The following NUP214 variants were observed in gnomAD, a reference collection of about 807,000 sequenced individuals.
NUP214 encodes the protein nuclear pore complex protein Nup214.
In NUP214, 79 loss-of-function variants were observed where a neutral mutation model predicts 196.2. The observed-to-expected ratio is 0.40, with a 90% confidence interval of 0.34 to 0.49. The LOEUF (loss-of-function observed/expected upper bound fraction) is 0.49. NUP214 is among the 20% of genes least tolerant of loss of function. The pLI is 0.58. For synonymous variants in NUP214, 1,020 were observed against 990.5 expected, an observed-to-expected ratio of 1.03 and a Z score of -0.56; for missense variants, 2,468 against 2,539.0, an observed-to-expected ratio of 0.97 and a Z score of 0.60.
chr9:131,170,268 C>T (rs1003396407), intron 21 of NUP214, among the ~76,000 whole-genome samples: 3 of 152,122 alleles, frequency 2.0e-5, no homozygotes, highest in Non-Finnish European at 4.4e-5. Flanking sequence ...GAGATCATGC[C>T]GTTGCACTCC....
chr9:131,154,627 G>T lies in NUP214; in HGVS notation c.2436+2733G>T, dbSNP rs1328087902. The stretch of plus-strand genomic sequence containing the variant: ...CTCCCAAAGTGCTAGGATTACAGGC[G>T]TGAGCCACCGCGCCTGTTCCGTTGT... On this transcript the variant is annotated intron_variant, in intron 17 of 35. Transcript: ENST00000359428. 3.3e-5 allele frequency among the ~76,000 whole-genome samples: 5 copies of T among 152,192 alleles called. 1 individual carries two copies. In the East Asian group the frequency reaches 9.6e-4, roughly 29 times the overall value.
chr9:131,198,702 G>C lies in NUP214; in HGVS notation c.5208G>C (p.Ala1736=), dbSNP rs148161611. 4 of 1,614,156 alleles carry C rather than the reference G, an allele frequency of 2.5e-6. No individual in the cohort carries two copies. In the South Asian group the frequency reaches 4.4e-5, roughly 18 times the overall value. Residue 1736 remains alanine, a synonymous_variant, in exon 29 of 36, where the codon GCG becomes GCC. Transcript: ENST00000359428. ...AGGCCTCAGTCTTTGGGCAGTCGGC[G>C]AGCAGTGCTGCAAGTGTCTTTTCCT... is the stretch of plus-strand genomic sequence containing the variant. ...FGQASVFGQS[A]SSAASVFSFS...
Position 131,144,479 on chromosome 9 carries a change from G to A in NUP214, c.1494G>A (p.Glu498=), listed in dbSNP as rs374875817. ...SLKSSATVTG[E]PPSYSSGSDS... ...AGTCATCTGCTACGGTCACTGGGGAGCCCCCTTCATATTCCAGTGGCTCCG... is the reference window on the plus strand; with the variant it reads ...AGTCATCTGCTACGGTCACTGGGGAACCCCCTTCATATTCCAGTGGCTCCG... Residue 498 remains glutamate (E), a synonymous_variant, in exon 12 of 36, where the codon GAG becomes GAA. Transcript: ENST00000359428. The A allele has an allele frequency of 4.3e-6, 7 of 1,614,130 alleles. No homozygotes were observed. The Admixed American group carries it at 1.0e-4, about 23-fold the overall frequency.
At chr9:131,209,762 T>C in intron 30 of NUP214, among the ~76,000 whole-genome samples, 1 of 152,200 alleles carries the variant, frequency 6.6e-6, no homozygotes. Context: ...CAATAATTTA[T>C]TCAGCATACA....
chr9:131,188,883 C>G (rs1833525403), intron 25 of NUP214, among the ~76,000 whole-genome samples, 170 bp from the exon 26 acceptor site: 1 of 152,166 alleles, frequency 6.6e-6, no homozygotes, highest in South Asian at 2.1e-4. Flanking sequence ...ATATGGTTAA[C>G]TTAAATTGAG....
intron 24 of NUP214, among the ~76,000 whole-genome samples, chr9:131,184,026 CTTTTTTTTTTT>C (rs776765956): frequency 1.9e-5 from 2 of 104,374 alleles, no homozygotes; most frequent in South Asian, 6.6e-4. Context: ...TTTTCTTTTT[CTTTTTTTTTTT>C]TTTTTTTTTT....
rs146904965 is a variant in NUP214 at position 131,224,625 on chromosome 9, G to A, written c.5902+1695G>A. On this transcript the variant is annotated intron_variant, in intron 32 of 35. Coordinates refer to ENST00000359428, the MANE Select transcript of NUP214 (RefSeq NM_005085.4). ...TCTCATATTTAGAGCCTAAAGTGCT[G>A]TGGTTTCCAAATCCACTGTGCACCT... Among the ~76,000 whole-genome samples the A allele has an allele frequency of 4.5e-3, 680 of 152,336 alleles. 4 individuals carry two copies. The highest frequency in any genetic ancestry group is 7.1e-3 in the Non-Finnish European group (480 of 68,022).
intron 27 of NUP214, among the ~76,000 whole-genome samples, chr9:131,193,652 T>TTTTTTTTTTTTTTTTTG: frequency 8.7e-6 from 1 of 115,238 alleles, no homozygotes; most frequent in East Asian, 2.5e-4. Flanking sequence ...TTTTTTTTTT[T>TTTTTTTTTTTTTTTTTG]TTTTTTTTTT....
intron 30 of NUP214, among the ~76,000 whole-genome samples, chr9:131,209,705 T>C (rs1229039386): frequency 6.6e-6 from 1 of 152,178 alleles, no homozygotes; most frequent in Non-Finnish European, 1.5e-5. Context: ...CAGTCAGATA[T>C]AAAAATTAAA....
chr9:131,139,884 CA>C (rs1564180830), intron 10 of NUP214, among the ~76,000 whole-genome samples: 1 of 152,184 alleles, frequency 6.6e-6, no homozygotes, highest in African/African-American at 2.4e-5. Flanking sequence ...ATCTTCCCTG[CA>C]GTAGCTTGGC....
rs1833777084 is a variant in NUP214, at chr9:131,196,035, C to CCCCCT, written c.3721+745_3721+746insTCCCC. 5.4e-5 allele frequency among the ~76,000 whole-genome samples: 2 copies of CCCCCT among 36,846 alleles called. 1 individual carries two copies. Among genetic ancestry groups the CCCCCT allele is most frequent in the Non-Finnish European group, 2.4e-4 (2 of 8,450 alleles). 24.2% of individuals were successfully genotyped at this position (36,846 alleles called of 152,430 possible). A position where few individuals can be genotyped will look rare whatever the true frequency, so the allele number is the denominator to read the frequency against. ...GTGAAACTCTGTGTGTCCCCCCCCC[C>CCCCCT]CCCCGCGCCAAAAAATCCATCAATA... On this transcript the variant is annotated intron_variant, in intron 28 of 35. Transcript: ENST00000359428.
At chr9:131,129,255 A>G (rs1442911779) in intron 3 of NUP214, 24 bp from the exon 4 acceptor site, 2 of 1,595,932 alleles carry the variant, frequency 1.3e-6, no homozygotes, top group Non-Finnish European at 1.7e-6. Context: ...AACTTATTTC[A>G]CTTTTGCATA....
chr9:131,175,721 T>G, intron 23 of NUP214, 100 bp downstream of exon 23: 5 of 1,446,858 alleles, frequency 3.5e-6, no homozygotes, highest in Non-Finnish European at 4.6e-6. Context: ...CGCTCTTTGG[T>G]GCCCTTCAGA....
At chr9:131,170,138 A>C (rs1406822666) in intron 21 of NUP214, among the ~76,000 whole-genome samples, 2 of 152,158 alleles carry the variant, frequency 1.3e-5, no homozygotes, top group Non-Finnish European at 2.9e-5. Flanking sequence ...TACACTTTAA[A>C]ATGTGACTAT....
chr9:131,192,350 T>G (rs1308991319), intron 27 of NUP214, 58 bp downstream of exon 27: 1 of 1,004,208 alleles, frequency 1.0e-6, no homozygotes, highest in Non-Finnish European at 1.5e-6. Context: ...CCCCAAATCT[T>G]ACAATTATAG....
Position 131,206,141 on chromosome 9 carries a change from C to CTTTTTTTTTTTTT in NUP214, c.5592+4430_5592+4431insTTTTTTTTTTTTT, listed in dbSNP as rs1588166866. ...ACATTATTCCACATAGAATTTTTTT[C>CTTTTTTTTTTTTT]TTTTTTCTTTTTTTTTTTTTTGAGA... On this transcript the variant is annotated intron_variant, in intron 30 of 35. Transcript: ENST00000359428. Among the ~76,000 whole-genome samples the CTTTTTTTTTTTTT allele has an allele frequency of 3.5e-3, 84 of 23,834 alleles. 1 individual carries two copies. Among genetic ancestry groups the CTTTTTTTTTTTTT allele is most frequent in the African/African-American group, 0.011 (79 of 7,180 alleles). The allele number at this position is 23,834 out of a possible 152,430, so 15.6% of individuals were successfully genotyped here. A position where few individuals can be genotyped will look rare whatever the true frequency, so the allele number is the denominator to read the frequency against.
At chr9:131,143,574 T>C (rs796995803) in intron 11 of NUP214, among the ~76,000 whole-genome samples, 5 of 152,224 alleles carry the variant, frequency 3.3e-5, no homozygotes, top group African/African-American at 1.2e-4. Flanking sequence ...AAATTAAAAA[T>C]GTACCTTGTT....
intron 31 of NUP214, among the ~76,000 whole-genome samples, chr9:131,216,605 T>G (rs1834407042): frequency 6.7e-6 from 1 of 149,472 alleles, no homozygotes; most frequent in Non-Finnish European, 1.5e-5. Flanking sequence ...CAATCTCGGC[T>G]CACTGCAACC....
chr9:131,128,575 C>T (rs1831435716), intron 3 of NUP214, 92 bp downstream of exon 3: 3 of 1,089,578 alleles, frequency 2.8e-6, no homozygotes, highest in Non-Finnish European at 3.8e-6. Flanking sequence ...TAGGTTAACC[C>T]TTGAAGTTTC....
Sources: gnomAD v4.1 joint callset for allele counts (sites outside exome capture counted in the v4.1 genomes callset) on GRCh38, gnomAD v4.1.1 for gene constraint, MANE v1.5 for transcripts, NCBI Gene and HGNC (gene_info 2026-07-23, HGNC 2026-07-21) for gene names.